Variants in MAPKAP1 observed in about 807,000 individuals in gnomAD.
MAPKAP1 encodes target of rapamycin complex 2 subunit MAPKAP1.
A neutral mutation model predicts 65.7 loss-of-function variants in MAPKAP1; 20 were observed. The observed-to-expected ratio is 0.30, with a 90% CI of 0.21 to 0.44. The LOEUF is 0.44. Among genes scored for constraint, MAPKAP1 ranks in the 20% least tolerant of loss-of-function variants. The pLI is 1.00. For synonymous variants in MAPKAP1, 222 were observed against 244.3 expected (o/e 0.91, Z 0.85); for missense variants, 423 against 648.0 (o/e 0.65, Z 3.77).
At chr9:125,623,703 G>C (rs1832984157) in intron 4 of MAPKAP1, among the ~76,000 whole-genome samples, 1 of 19,252 alleles carries the variant, frequency 5.2e-5, no homozygotes, top group African/African-American at 6.6e-5. Context: ...CGGGAGGGAG[G>C]TGGGGGGGGG....
At chr9:125,657,558 C>T (rs904095590) in intron 4 of MAPKAP1, 93 bp downstream of exon 4, 2 of 1,153,050 alleles carry the variant, frequency 1.7e-6, no homozygotes, top group Non-Finnish European at 2.5e-6. Flanking sequence ...TTCTACAAAG[C>T]ATTTCTGAAA....
At chr9:125,693,219 C>G (rs1268811783) in intron 1 of MAPKAP1, among the ~76,000 whole-genome samples, 2 of 151,930 alleles carry the variant, frequency 1.3e-5, no homozygotes, top group Non-Finnish European at 2.9e-5. Context: ...TTGAGACCAG[C>G]CTGGCCAACA....
At chr9:125,602,447 A>C (rs1054516786) in intron 4 of MAPKAP1, among the ~76,000 whole-genome samples, 1 of 152,224 alleles carries the variant, frequency 6.6e-6, no homozygotes, top group Non-Finnish European at 1.5e-5. Flanking sequence ...GAAAGCAGTA[A>C]GTGGCAGAAA....
chr9:125,511,785 G>A (rs1338170605), intron 7 of MAPKAP1, among the ~76,000 whole-genome samples: 1 of 152,168 alleles, frequency 6.6e-6, no homozygotes, highest in East Asian at 1.9e-4. Flanking sequence ...TTGGAAAGAG[G>A]ATTTAAAAAG....
At chr9:125,695,671 A>G (rs907907286) in intron 1 of MAPKAP1, among the ~76,000 whole-genome samples, 1 of 152,112 alleles carries the variant, frequency 6.6e-6, no homozygotes, top group Non-Finnish European at 1.5e-5. Flanking sequence ...TGCGCATTTG[A>G]AAAAAACAAA....
intron 4 of MAPKAP1, among the ~76,000 whole-genome samples, chr9:125,645,706 C>T (rs905903735): frequency 1.9e-4 from 27 of 145,892 alleles, no homozygotes; most frequent in Non-Finnish European, 2.5e-4. Flanking sequence ...CACTGCACTC[C>T]GGCCTGCGTG....
chr9:125,620,030 C>T (rs994396111), intron 4 of MAPKAP1, among the ~76,000 whole-genome samples: 9 of 152,166 alleles, frequency 5.9e-5, no homozygotes. Context: ...AGATTTGGGC[C>T]GGGTGCAACG....
At chr9:125,460,441 A>T (rs1853450533) in intron 10 of MAPKAP1, among the ~76,000 whole-genome samples, 1 of 152,234 alleles carries the variant, frequency 6.6e-6, no homozygotes, top group African/African-American at 2.4e-5. Flanking sequence ...AGAAAATGTA[A>T]GAAAACTCAC....
At chr9:125,676,115 C>T (rs1428105971) in intron 1 of MAPKAP1, among the ~76,000 whole-genome samples, 2 of 152,144 alleles carry the variant, frequency 1.3e-5, no homozygotes, top group African/African-American at 4.8e-5. Flanking sequence ...AAATCTAACT[C>T]TGGCAAGGGT....
chr9:125,474,907 A>G (rs1756640314), intron 9 of MAPKAP1, among the ~76,000 whole-genome samples: 1 of 152,184 alleles, frequency 6.6e-6, no homozygotes, highest in African/African-American at 2.4e-5. Flanking sequence ...CCGAGAGCCT[A>G]TGAAAGCCTG....
chr9:125,687,992 T>C (rs1025987714), intron 1 of MAPKAP1, among the ~76,000 whole-genome samples: 4 of 152,190 alleles, frequency 2.6e-5, no homozygotes, highest in African/African-American at 9.6e-5. Context: ...CAAACTACTT[T>C]TATGTGACTT....
intron 10 of MAPKAP1, among the ~76,000 whole-genome samples, chr9:125,459,863 G>GAGAGGGAGAGGC (rs1853412198): frequency 6.6e-6 from 1 of 151,818 alleles, no homozygotes; most frequent in East Asian, 1.9e-4. Context: ...TGGGGAGAGG[G>GAGAGGGAGAGGC]AGAGGGAGAG....
chr9:125,447,078 A>G lies in MAPKAP1; in HGVS notation c.1346-2480T>C, dbSNP rs1852745876. On this transcript the variant is annotated intron_variant, in intron 10 of 11. Coordinates refer to ENST00000265960, the MANE Select transcript of MAPKAP1 (RefSeq NM_001006617.3). This position sits in a 1 kb window ranked among gnomAD's most constrained non-coding sequence, Gnocchi z 4.5. ...ACAGTCACGTGAAAAAAACAAAAAAATCATACCAAGCCAAGTCTCCTGAAA... is the reference window on the plus strand; with the variant it reads ...ACAGTCACGTGAAAAAAACAAAAAAGTCATACCAAGCCAAGTCTCCTGAAA... 6.6e-6 allele frequency among the ~76,000 whole-genome samples: 1 copy of G among 152,122 alleles called. No individual in the cohort carries two copies. Among genetic ancestry groups the G allele is most frequent in the African/African-American group, 2.4e-5 (1 of 41,400 alleles).
At chr9:125,613,359 T>C (rs1300831377) in intron 4 of MAPKAP1, among the ~76,000 whole-genome samples, 1 of 152,204 alleles carries the variant, frequency 6.6e-6, no homozygotes, top group Non-Finnish European at 1.5e-5. Flanking sequence ...TGTTAGTCCT[T>C]TCCTGCAATT....
At chr9:125,584,532 T>C (rs1043677958) in intron 5 of MAPKAP1, among the ~76,000 whole-genome samples, 2 of 152,096 alleles carry the variant, frequency 1.3e-5, no homozygotes, top group Non-Finnish European at 2.9e-5. Context: ...TCTGCAGCGA[T>C]TCTCCTGCCT....
At chr9:125,483,012 C>T (rs567320492) in intron 9 of MAPKAP1, among the ~76,000 whole-genome samples, 2 of 152,164 alleles carry the variant, frequency 1.3e-5, no homozygotes, top group Admixed American at 1.3e-4. Flanking sequence ...GGTGGTGATA[C>T]AGCTAATAAA....
At chr9:125,680,255 C>T (rs1027110778) in intron 1 of MAPKAP1, among the ~76,000 whole-genome samples, 4 of 151,832 alleles carry the variant, frequency 2.6e-5, no homozygotes, top group Non-Finnish European at 5.9e-5. Context: ...GAAAAAAAGG[C>T]TTTTTATTAT....
At chr9:125,646,804 T>C (rs1211963615) in intron 4 of MAPKAP1, among the ~76,000 whole-genome samples, 3 of 152,244 alleles carry the variant, frequency 2.0e-5, no homozygotes, top group African/African-American at 7.2e-5. Context: ...GATTTTCTTC[T>C]TTCCACAGTG....
At chr9:125,458,364 C>T (rs1853282953) in intron 10 of MAPKAP1, among the ~76,000 whole-genome samples, 1 of 151,960 alleles carries the variant, frequency 6.6e-6, no homozygotes, top group African/African-American at 2.4e-5. Flanking sequence ...GACCCTGCGG[C>T]CCTCTGCAGT....
Sources: gnomAD v4.1 joint callset for allele counts (sites outside exome capture counted in the v4.1 genomes callset) on GRCh38, gnomAD v4.1.1 for gene constraint, Gnocchi (gnomAD v3.1) non-coding constraint, MANE v1.5 for transcripts, NCBI Gene and HGNC (gene_info 2026-07-23, HGNC 2026-07-21) for gene names.